The following GRID1 variants were observed in gnomAD, a reference collection of about 807,000 sequenced individuals.
The protein encoded by GRID1 is glutamate ionotropic receptor delta type subunit 1, also known as glutamate receptor ionotropic, delta-1.
A neutral mutation model predicts 98.0 loss-of-function variants in GRID1; 28 were observed. The ratio of observed to expected loss-of-function variants is 0.29; its 90% CI spans 0.21 to 0.39. The LOEUF (loss-of-function observed/expected upper bound fraction) is 0.39, where lower values mean the gene tolerates loss of function less well. Among genes scored for constraint, GRID1 ranks in the 10% least tolerant of loss-of-function variants. The pLI is 1.00. For synonymous variants in GRID1, 553 were observed against 538.5 expected, an observed-to-expected ratio of 1.03 and a Z score of -0.37; for missense variants, 1,111 against 1,340.5, an observed-to-expected ratio of 0.83 and a Z score of 2.67.
intron 8 of GRID1, among the ~76,000 whole-genome samples, chr10:85,832,752 T>C (rs1842879352): frequency 1.3e-5 from 2 of 152,142 alleles, no homozygotes; most frequent in Non-Finnish European, 2.9e-5. Context: ...AACACAGACC[T>C]AGAATTTTCT....
chr10:86,132,303 C>A (rs1330158031), intron 4 of GRID1, among the ~76,000 whole-genome samples: 1 of 152,240 alleles, frequency 6.6e-6, no homozygotes, highest in Non-Finnish European at 1.5e-5. Flanking sequence ...TGTTCCCTTC[C>A]TGAACTCAGC....
intron 8 of GRID1, among the ~76,000 whole-genome samples, chr10:85,789,225 A>G (rs1345287493): frequency 1.3e-5 from 2 of 152,060 alleles, no homozygotes; most frequent in East Asian, 1.9e-4. Flanking sequence ...CAGGATTGTG[A>G]CTGTGTAAGC....
chr10:86,227,903 A>C (rs924072966), intron 2 of GRID1, among the ~76,000 whole-genome samples: 2 of 152,130 alleles, frequency 1.3e-5, no homozygotes, highest in Non-Finnish European at 2.9e-5. Flanking sequence ...ATACATAGTA[A>C]ACACTGAGGA....
At chr10:86,240,673 T>C (rs1589423109) in intron 2 of GRID1, among the ~76,000 whole-genome samples, 2 of 152,148 alleles carry the variant, frequency 1.3e-5, no homozygotes, top group Admixed American at 1.3e-4. Context: ...ACTGCTCCCC[T>C]ATGGAATGTG....
chr10:86,245,997 A>G (rs2492742), intron 2 of GRID1, among the ~76,000 whole-genome samples: 140,993 of 152,326 alleles, frequency 0.93, 65,856 homozygotes, highest in African/African-American at 0.95. Context: ...CCATACAAAA[A>G]GGAGAGGTGA....
intron 2 of GRID1, among the ~76,000 whole-genome samples, chr10:86,234,079 C>T (rs892676796): frequency 6.6e-6 from 1 of 152,162 alleles, no homozygotes; most frequent in African/African-American, 2.4e-5. Flanking sequence ...GGAACACCTC[C>T]TGAGGCCACT....
intron 4 of GRID1, among the ~76,000 whole-genome samples, chr10:85,997,779 T>C (rs1182560363): frequency 2.0e-5 from 3 of 152,180 alleles, no homozygotes; most frequent in Non-Finnish European, 4.4e-5. Flanking sequence ...TGATGGAATA[T>C]GTTTTGAAAA....
At chr10:85,603,464 C>A (rs1215154980) in intron 15 of GRID1, among the ~76,000 whole-genome samples, 2 of 152,218 alleles carry the variant, frequency 1.3e-5, no homozygotes, top group African/African-American at 2.4e-5. Flanking sequence ...TACTGTCTCA[C>A]CACAGTGGGT....
Position 85,599,976 on chromosome 10 carries a change from C to A in GRID1, c.*2297G>T, listed in dbSNP as rs1175856344. ...ACAGGCGCACAAACACATCCTCCAT[C>A]TCCCTCTCTTTCCTCCTTGACACTC... On this transcript the variant is annotated 3_prime_UTR_variant, in exon 16 of 16. Coordinates refer to ENST00000327946, the MANE Select transcript of GRID1 (RefSeq NM_017551.3). 2.0e-5 allele frequency: 3 copies of A among 150,694 alleles called. No individual in the cohort carries two copies. The Admixed American group carries it at 2.0e-4, about 10-fold the overall frequency. 9.3% of individuals were successfully genotyped at this position (150,694 alleles called of 1,614,324 possible). A position where few individuals can be genotyped will look rare whatever the true frequency, so the allele number is the denominator to read the frequency against.
intron 8 of GRID1, among the ~76,000 whole-genome samples, chr10:85,774,494 G>T (rs1284008935): frequency 3.3e-5 from 5 of 151,250 alleles, no homozygotes; most frequent in Admixed American, 1.3e-4. Flanking sequence ...TTAAACTAAA[G>T]AGCTTCTGCA....
Position 85,969,638 on chromosome 10 carries a change from G to A in GRID1, c.727-53399C>T, listed in dbSNP as rs549490856. 1.5e-3 allele frequency among the ~76,000 whole-genome samples: 228 copies of A among 152,168 alleles called. 1 individual carries two copies. The highest frequency in any genetic ancestry group is 5.1e-3 in the African/African-American group (211 of 41,556). On this transcript the variant is annotated intron_variant, in intron 4 of 15. Transcript: ENST00000327946. ...TACAAAGAAAATTTTTTAAAACTTTGAGATTAATGAGAAAAACATACAGAA... is the reference window on the plus strand; with the variant it reads ...TACAAAGAAAATTTTTTAAAACTTTAAGATTAATGAGAAAAACATACAGAA...
chr10:85,624,531 C>A (rs1023351746), intron 13 of GRID1, among the ~76,000 whole-genome samples: 1 of 152,216 alleles, frequency 6.6e-6, no homozygotes, highest in Non-Finnish European at 1.5e-5. Flanking sequence ...CCTGGGACTC[C>A]AGCCCCCACG....
chr10:85,844,047 G>A (rs1842983814), intron 8 of GRID1, among the ~76,000 whole-genome samples: 2 of 152,000 alleles, frequency 1.3e-5, no homozygotes, highest in Non-Finnish European at 2.9e-5. Context: ...AACAAATAGT[G>A]AGGCATCCAT....
At chr10:86,283,353 C>T (rs890110009) in intron 2 of GRID1, among the ~76,000 whole-genome samples, 1 of 152,214 alleles carries the variant, frequency 6.6e-6, no homozygotes, top group South Asian at 2.1e-4. Context: ...AGGCCTTTCA[C>T]CTCATTCAGC....
Position 86,054,597 on chromosome 10 carries a change from C to T in GRID1, c.726+84222G>A, listed in dbSNP as rs539586419. Reference sequence around the variant, plus strand: ...AGGCCAGAGGGACTTCTCATTTTGGCCCCTGGCTGCATAAAGTGGCTGACC... The same window carrying T: ...AGGCCAGAGGGACTTCTCATTTTGGTCCCTGGCTGCATAAAGTGGCTGACC... On this transcript the variant is annotated intron_variant, in intron 4 of 15. Transcript: ENST00000327946. Among the ~76,000 whole-genome samples the T allele has an allele frequency of 3.9e-5, 6 of 152,292 alleles. No individual in the cohort carries two copies. The South Asian group carries it at 1.0e-3, about 26-fold the overall frequency.
At chr10:86,140,067 A>C (rs1589385288) in intron 3 of GRID1, among the ~76,000 whole-genome samples, 1 of 152,198 alleles carries the variant, frequency 6.6e-6, no homozygotes, top group South Asian at 2.1e-4. Context: ...GTTTCTCCCG[A>C]ACTTTCCAGT....
At chr10:86,090,753 C>G (rs997090146) in intron 4 of GRID1, among the ~76,000 whole-genome samples, 5 of 152,204 alleles carry the variant, frequency 3.3e-5, no homozygotes. Context: ...AGAGGACCCA[C>G]AGACCCTCTG....
intron 2 of GRID1, among the ~76,000 whole-genome samples, chr10:86,307,033 A>G (rs1847767849): frequency 6.6e-6 from 1 of 152,254 alleles, no homozygotes; most frequent in Non-Finnish European, 1.5e-5. Flanking sequence ...TCCCCAGATG[A>G]TGACAAGTAT....
chr10:86,187,955 C>T (rs1845748941), intron 3 of GRID1, among the ~76,000 whole-genome samples: 1 of 152,190 alleles, frequency 6.6e-6, no homozygotes, highest in Admixed American at 6.5e-5. Context: ...AAGAGACCCA[C>T]CAAAAGCCCA....
Sources: gnomAD v4.1 joint callset for allele counts (sites outside exome capture counted in the v4.1 genomes callset) on GRCh38, gnomAD v4.1.1 for gene constraint, MANE v1.5 for transcripts, NCBI Gene and HGNC (gene_info 2026-07-23, HGNC 2026-07-21) for gene names.